Variants in AHNAK2 observed in about 807,000 individuals in gnomAD.
AHNAK2 encodes AHNAK nucleoprotein 2.
In AHNAK2, 18 loss-of-function variants were observed where a neutral mutation model predicts 30.7. That is an observed-to-expected ratio of 0.59 (90% CI 0.41 to 0.87). The LOEUF is 0.87. Among genes scored for constraint, AHNAK2 ranks in the 40% least tolerant of loss-of-function variants. The probability of loss-of-function intolerance (pLI) is 0.00; values close to 1 mark genes in which losing one functional copy is unlikely to be tolerated. For missense variants in AHNAK2, 8,604 were observed against 7,373.0 expected, an observed-to-expected ratio of 1.17 and a Z score of -6.11; for synonymous variants, 3,590 against 3,073.8, an observed-to-expected ratio of 1.17 and a Z score of -5.56.
Position 104,947,458 on chromosome 14 carries a change from C to A in AHNAK2, c.7993G>T (p.Glu2665Ter), listed in dbSNP as rs369787479. ...ACATCCACCAACGCCTCGATGGACT[C>A]GCCTGGGGCCGACACCCTGAATGAT... ...MPSFRVSAPGESIEALVDVSE... is the reference protein window; with the variant it reads ...MPSFRVSAPG Residue 2665 changes from glutamate (E) to a stop codon, truncating the protein, a stop_gained, in exon 7 of 7, where the codon GAG becomes TAG. Transcript: ENST00000333244. LOFTEE classifies it low-confidence loss of function (END_TRUNC). The A allele has an allele frequency of 6.2e-7, 1 of 1,610,372 alleles. No individual in the cohort carries two copies. Among genetic ancestry groups the A allele is most frequent in the Non-Finnish European group, 8.5e-7 (1 of 1,178,886 alleles).
Position 104,954,340 on chromosome 14 carries a change from C to G in AHNAK2, c.1111G>C (p.Ala371Pro), listed in dbSNP as rs1442057804. Residue 371 changes from alanine (A) to proline (P), a missense_variant, in exon 7 of 7, where the codon GCT becomes CCT. Ala to Pro is a conservative substitution (Grantham distance 27). Transcript: ENST00000333244. The surrounding 1 kb of genome is among the most constrained non-coding windows in gnomAD (Gnocchi z 4.3). ...TCCTCTCTCCTGCTGCCTGTGGCAG[C>G]CCCAGTCTCCTCGAGGCTATCACCC... Reference protein sequence around the residue: ...PWGDSLEETGAATGSRREERA... With the variant: ...PWGDSLEETGPATGSRREERA... 3 of 1,613,420 alleles carry G rather than the reference C, an allele frequency of 1.9e-6. No individual in the cohort carries two copies. Among genetic ancestry groups the G allele is most frequent in the African/African-American group, 2.7e-5 (2 of 75,054 alleles).
At chr14:104,964,516 A>T (rs1172749040) in intron 1 of AHNAK2, among the ~76,000 whole-genome samples, 2 of 152,198 alleles carry the variant, frequency 1.3e-5, no homozygotes, top group African/African-American at 4.8e-5. Context: ...ATGCAGGAAC[A>T]TCCATCTCAG....
rs1193333465 is a variant in AHNAK2, at chr14:104,951,397, C to G, written c.4054G>C (p.Asp1352His). Residue 1352 changes from aspartate to histidine, a missense_variant, in exon 7 of 7, where the codon GAC (aspartate) becomes CAC (histidine). Transcript: ENST00000333244. ...APGKSIEASV[D>H]LSAPKVEADM... is the part of the protein sequence containing the mutation. ...GCCTCCACCTTGGGTGCAGACAGGT[C>G]CACGGAGGCCTCAATGGACTTGCCT... is the stretch of plus-strand genomic sequence containing the variant. The G allele has an allele frequency of 2.5e-5, 27 of 1,100,124 alleles. 11 individuals carry two copies. The Middle Eastern group carries it at 8.0e-4, about 33-fold the overall frequency. 68.1% of individuals were successfully genotyped at this position (1,100,124 alleles called of 1,614,324 possible).
At chr14:104,964,466 G>C (rs1899245149) in intron 1 of AHNAK2, among the ~76,000 whole-genome samples, 1 of 152,116 alleles carries the variant, frequency 6.6e-6, no homozygotes, top group South Asian at 2.1e-4. Flanking sequence ...GCCAGGGGCA[G>C]AGCCAAGAAA....
Position 104,948,643 on chromosome 14 carries a change from C to T in AHNAK2, c.6808G>A (p.Val2270Met), listed in dbSNP as rs778060482. The change falls in exon 7 of 7, where the codon GTG becomes ATG. Residue 2270 changes from valine to methionine, a missense_variant. Coordinates refer to ENST00000333244, the MANE Select transcript of AHNAK2 (RefSeq NM_138420.4). ...GPKLDLKDPK[V>M]EVTAPDVEVS... ...TCCACATCAGGGGCTGTCACTTCCACCTTGGGGTCTTTTAGGTCCAGCTTG... is the reference window on the plus strand; with the variant it reads ...TCCACATCAGGGGCTGTCACTTCCATCTTGGGGTCTTTTAGGTCCAGCTTG... 3.1e-6 allele frequency: 5 copies of T among 1,611,478 alleles called. No homozygotes were observed. In the South Asian group the frequency reaches 3.3e-5, roughly 11 times the overall value.
At position 104,947,449 on chromosome 14, in the gene AHNAK2, C is replaced by G. The variant is rs371798547; in HGVS notation, c.8002G>C (p.Glu2668Gln). 29 of 1,612,352 alleles carry G rather than the reference C, an allele frequency of 1.8e-5. No individual in the cohort carries two copies. Among genetic ancestry groups the G allele is most frequent in the Non-Finnish European group, 2.2e-5 (26 of 1,179,470 alleles). ...AGCTCAGACACATCCACCAACGCCT[C>G]GATGGACTCGCCTGGGGCCGACACC... is the stretch of plus-strand genomic sequence containing the variant. ...FRVSAPGESI[E>Q]ALVDVSELKV... The change falls in exon 7 of 7, where the codon GAG becomes CAG. Residue 2668 changes from glutamate (E) to glutamine (Q), a missense_variant. By Grantham distance (29) the Glu-to-Gln change is conservative. Coordinates refer to ENST00000333244, the MANE Select transcript of AHNAK2 (RefSeq NM_138420.4).
chr14:104,950,115 G>A lies in AHNAK2; in HGVS notation c.5336C>T (p.Ala1779Val), dbSNP rs756057897. Residue 1779 changes from alanine to valine, a missense_variant, in exon 7 of 7, where the codon GCC becomes GTC. Ala to Val is a moderately conservative substitution (Grantham distance 64). Coordinates refer to ENST00000333244, the MANE Select transcript of AHNAK2 (RefSeq NM_138420.4). ...GGGCAGAGACACCTCCACGTCGGGG[G>A]CCATCACCTCCGCCTTGGGGCCTTT... ...DLKGPKAEVM[A>V]PDVEVSLPSV... 5.3e-5 allele frequency: 84 copies of A among 1,586,646 alleles called. 6 individuals are homozygous for A. The East Asian group carries it at 1.7e-3, about 32-fold the overall frequency.
At position 104,942,314 on chromosome 14, in the gene AHNAK2, C is replaced by A. The variant is rs758530265; in HGVS notation, c.13137G>T (p.Gly4379=). ...GPVHEGAGLK[G]HLPKLQMPSF... ...TGGGCATCTGCAGCTTCGGCAGGTG[C>A]CCTTTGAGGCCGGCTCCCTCATGCA... The change falls in exon 7 of 7, where the codon GGG becomes GGT. Residue 4379 remains glycine, a synonymous_variant. Coordinates refer to ENST00000333244, the MANE Select transcript of AHNAK2 (RefSeq NM_138420.4). The A allele has an allele frequency of 2.5e-6, 4 of 1,613,334 alleles. No homozygotes were observed. The highest frequency in any genetic ancestry group is 2.5e-6 in the Non-Finnish European group (3 of 1,179,840).
rs762827267 is a variant in AHNAK2, at chr14:104,945,439, C to G, written c.10012G>C (p.Ala3338Pro). Residue 3338 changes from alanine to proline, a missense_variant, in exon 7 of 7, where the codon GCG (alanine) becomes CCG (proline). Physicochemically the swap from Ala to Pro is conservative, Grantham distance 27. Coordinates refer to ENST00000333244, the MANE Select transcript of AHNAK2 (RefSeq NM_138420.4). ...QASVDVSAPK[A>P]EADVSLPSMQ... ...GAGGGGAGGCTCACGTCGGCCTCCGCCTTCGGCGCAGACACATCCACCGAG... is the reference window on the plus strand; with the variant it reads ...GAGGGGAGGCTCACGTCGGCCTCCGGCTTCGGCGCAGACACATCCACCGAG... 6.2e-7 allele frequency: 1 copy of G among 1,613,426 alleles called. No homozygotes were observed. The highest frequency in any genetic ancestry group is 1.1e-5 in the South Asian group (1 of 91,064).
Position 104,953,768 on chromosome 14 carries a change from CTG to C in AHNAK2, c.1681_1682del (p.Gln561GlufsTer6). The C allele has an allele frequency of 6.2e-7, 1 of 1,613,954 alleles. No individual in the cohort carries two copies. The highest frequency in any genetic ancestry group is 1.3e-5 in the African/African-American group (1 of 75,024). On this transcript the variant is annotated frameshift_variant, in exon 7 of 7. Transcript: ENST00000333244. LOFTEE classifies it low-confidence loss of function (END_TRUNC). The part of the protein sequence containing the change: ...GDEGDGEEGL[Q>X]RTRITEEQDK... The stretch of plus-strand genomic sequence containing the variant: ...CCTGTTCCTCAGTGATCCTTGTCCT[CTG>C]TAGTCCTTCCTCTCCATCTCCTTCA...
In AHNAK2 at chr14:104,974,770, G is replaced by A. The variant is rs144467640; in HGVS notation, c.55+3413C>T. On this transcript the variant is annotated intron_variant, in intron 1 of 6. Transcript: ENST00000333244. ...CCCCCACAACTCACACCATCCCTGA[G>A]CGCAGGGTCCGTCTCTGCCAGCCGG... 2.5e-3 allele frequency among the ~76,000 whole-genome samples: 376 copies of A among 152,344 alleles called. 3 individuals carry two copies. The highest frequency in any genetic ancestry group is 8.7e-3 in the African/African-American group (361 of 41,584).
rs376326301 is a variant in AHNAK2 at position 104,950,165 on chromosome 14, G to A, written c.5286C>T (p.Asp1762=). The A allele has an allele frequency of 6.3e-4, 985 of 1,575,034 alleles. 118 individuals are homozygous for A. Among genetic ancestry groups the A allele is most frequent in the Admixed American group, 1.6e-3 (92 of 56,152 alleles). Residue 1762 remains aspartate (D), a synonymous_variant, in exon 7 of 7, where the codon GAC becomes GAT. Transcript: ENST00000333244. ...PKVALKGPQM[D]VKGPKLDLKG... ...TCAGGTCCAGCTTGGGGCCCTTGAC[G>A]TCCATCTGGGGGCCCTTGAGGGCCA...
rs201406401 is a variant in AHNAK2, at chr14:104,949,306, T to C, written c.6145A>G (p.Thr2049Ala). The C allele has an allele frequency of 4.1e-4, 425 of 1,040,272 alleles. 145 individuals are homozygous for C. Among genetic ancestry groups the C allele is most frequent in the South Asian group, 1.7e-3 (108 of 62,656 alleles). 64.4% of individuals were successfully genotyped at this position (1,040,272 alleles called of 1,614,324 possible). A position where few individuals can be genotyped will look rare whatever the true frequency, so the allele number is the denominator to read the frequency against. The change falls in exon 7 of 7, where the codon ACT becomes GCT. Residue 2049 changes from threonine to alanine, a missense_variant. Transcript: ENST00000333244. ...GGGAGCTTCACATCCACCTGGCCAGTCTGGACCTTCAGGTCGGCAGAAGGG... is the reference window on the plus strand; with the variant it reads ...GGGAGCTTCACATCCACCTGGCCAGCCTGGACCTTCAGGTCGGCAGAAGGG... ...QPPSADLKVQTGQVDVKLPEG... is the reference protein window; with the variant it reads ...QPPSADLKVQAGQVDVKLPEG...
rs35374867 is a variant in AHNAK2 at position 104,951,939 on chromosome 14, G to A, written c.3512C>T (p.Pro1171Leu). ...GCCTGGGGCTGACGCCCCGAACGATGGCATCTTGAACTTGGGCATTTTGAA... is the reference window on the plus strand; with the variant it reads ...GCCTGGGGCTGACGCCCCGAACGATAGCATCTTGAACTTGGGCATTTTGAA... ...SRFKMPKFKM[P>L]SFGASAPGKS... Residue 1171 changes from proline (P) to leucine (L), a missense_variant, in exon 7 of 7, where the codon CCA becomes CTA. Pro to Leu is a moderately conservative substitution (Grantham distance 98, BLOSUM62 -3). Coordinates refer to ENST00000333244, the MANE Select transcript of AHNAK2 (RefSeq NM_138420.4). The A allele has an allele frequency of 6.5e-3, 10,443 of 1,609,582 alleles. 777 individuals carry two copies. The African/African-American group carries it at 0.11, about 18-fold the overall frequency.
Position 104,944,874 on chromosome 14 carries a change from G to T in AHNAK2, c.10577C>A (p.Pro3526His), listed in dbSNP as rs145215748. ...LKATDLSIQP[P>H]SADLEVQAVQ... ...AGCCTGGACCTCCAGGTCAGCGGAA[G>T]GGGGCTGAATGCTGAGGTCAGTGGC... The change falls in exon 7 of 7, where the codon CCT becomes CAT. Residue 3526 changes from proline to histidine, a missense_variant. Pro to His is a moderately conservative substitution (Grantham distance 77). Coordinates refer to ENST00000333244, the MANE Select transcript of AHNAK2 (RefSeq NM_138420.4). The T allele has an allele frequency of 2.8e-3, 4,455 of 1,613,112 alleles. 90 individuals are homozygous for T. The African/African-American group carries it at 0.044, about 16-fold the overall frequency.
At position 104,946,473 on chromosome 14, in the gene AHNAK2, G is replaced by A. The variant is rs759092042; in HGVS notation, c.8978C>T (p.Pro2993Leu). The change falls in exon 7 of 7, where the codon CCA becomes CTA. Residue 2993 changes from proline (P) to leucine (L), a missense_variant. Transcript: ENST00000333244. ...FKMPSFGVSA[P>L]GKSIEVSVDV... is the part of the protein sequence containing the mutation. Reference sequence around the variant, plus strand: ...CACCGAGACCTCAATGGACTTGCCTGGGGCAGACACCCCGAACGACGGCAT... The same window carrying A: ...CACCGAGACCTCAATGGACTTGCCTAGGGCAGACACCCCGAACGACGGCAT... The A allele has an allele frequency of 1.9e-5, 30 of 1,612,316 alleles. No individual in the cohort carries two copies. The highest frequency in any genetic ancestry group is 2.5e-5 in the Non-Finnish European group (29 of 1,179,452).
At position 104,945,321 on chromosome 14, in the gene AHNAK2, G is replaced by A. The variant is rs776559136; in HGVS notation, c.10130C>T (p.Pro3377Leu). The A allele has an allele frequency of 2.7e-5, 43 of 1,612,270 alleles. No individual in the cohort carries two copies. Among genetic ancestry groups the A allele is most frequent in the Admixed American group, 1.5e-4 (9 of 59,886 alleles). The change falls in exon 7 of 7, where the codon CCG becomes CTG. Residue 3377 changes from proline (P) to leucine (L), a missense_variant. Coordinates refer to ENST00000333244, the MANE Select transcript of AHNAK2 (RefSeq NM_138420.4). ...VQAGQVDVKL[P>L]EGHVPEGAGL... ...AGCTCCCTCGGGCACGTGGCCCTCCGGGAGCTTCACGTCCACCTGGCCAGC... is the reference window on the plus strand; with the variant it reads ...AGCTCCCTCGGGCACGTGGCCCTCCAGGAGCTTCACGTCCACCTGGCCAGC...
At chr14:104,964,678 A>G (rs1899249674) in intron 1 of AHNAK2, among the ~76,000 whole-genome samples, 2 of 152,242 alleles carry the variant, frequency 1.3e-5, no homozygotes, top group Admixed American at 1.3e-4. Context: ...AGGTTGAGAC[A>G]CAGAAGCTAG....
intron 4 of AHNAK2, 97 bp downstream of exon 4, chr14:104,956,491 C>T (rs1184495271): frequency 1.5e-6 from 2 of 1,292,440 alleles, no homozygotes; most frequent in Non-Finnish European, 2.2e-6. Flanking sequence ...CTGCCAGCCT[C>T]TTTGCTCCTC....
Sources: allele counts gnomAD v4.1 joint callset (sites outside exome capture counted in the v4.1 genomes callset), GRCh38; gene constraint gnomAD v4.1.1; non-coding constraint Gnocchi (gnomAD v3.1); transcripts MANE v1.5; gene names NCBI Gene and HGNC (gene_info 2026-07-23, HGNC 2026-07-21).